The following CACNA1E variants were observed in gnomAD, a reference collection of about 807,000 sequenced individuals.
CACNA1E encodes calcium voltage-gated channel subunit alpha1 E.
Under a neutral mutation model 259.2 loss-of-function variants are expected in CACNA1E, and 40 were observed. The ratio of observed to expected loss-of-function variants is 0.15; its 90% CI spans 0.12 to 0.20. The LOEUF is 0.20. CACNA1E is among the 10% of genes least tolerant of loss of function. The pLI, the probability that CACNA1E is intolerant of heterozygous loss-of-function variation, is 1.00. For missense variants in CACNA1E, 1,874 were observed against 3,040.1 expected, an observed-to-expected ratio of 0.62 and a Z score of 9.02; for synonymous variants, 1,104 against 1,138.5, an observed-to-expected ratio of 0.97 and a Z score of 0.61.
At chr1:181,446,474 A>G (rs572819545) in intron 2 of CACNA1E, among the ~76,000 whole-genome samples, 1 of 152,344 alleles carries the variant, frequency 6.6e-6, no homozygotes, top group East Asian at 1.9e-4. Flanking sequence ...CACAATGCGT[A>G]GAGGTACTGC....
chr1:181,321,325 C>T (rs899241499), intron 1 of CACNA1E, among the ~76,000 whole-genome samples: 2 of 152,198 alleles, frequency 1.3e-5, no homozygotes, highest in African/African-American at 2.4e-5. Context: ...ACAGGGATCT[C>T]ACCTCTGGAT....
chr1:181,501,614 C>G (rs1251117453), intron 1 of CACNA1E, among the ~76,000 whole-genome samples: 1 of 152,184 alleles, frequency 6.6e-6, no homozygotes, highest in African/African-American at 2.4e-5. Context: ...GGGGAGTTCT[C>G]TGCCTCTTTG....
At chr1:181,771,096 A>G (rs993822053) in intron 35 of CACNA1E, among the ~76,000 whole-genome samples, 197 bp from the exon 36 acceptor site, 1 of 152,160 alleles carries the variant, frequency 6.6e-6, no homozygotes, top group African/African-American at 2.4e-5. Flanking sequence ...CCTTTGCTGC[A>G]CTAGAGCAGT....
chr1:181,469,031 C>G (rs1662327867), intron 2 of CACNA1E, among the ~76,000 whole-genome samples: 1 of 151,114 alleles, frequency 6.6e-6, no homozygotes, highest in Non-Finnish European at 1.5e-5. Context: ...TTCATTCATT[C>G]AACAACAACA....
chr1:181,487,774 C>A (rs918174640), intron 1 of CACNA1E, among the ~76,000 whole-genome samples: 6 of 152,174 alleles, frequency 3.9e-5, no homozygotes, highest in African/African-American at 1.4e-4. Flanking sequence ...GGATGCCCCA[C>A]ACTTGTTTGA....
chr1:181,718,560 T>C (rs1654119018), intron 12 of CACNA1E, among the ~76,000 whole-genome samples: 1 of 151,800 alleles, frequency 6.6e-6, no homozygotes, highest in African/African-American at 2.4e-5. Context: ...TATATTTGTT[T>C]TTCTACTTCA....
At chr1:181,512,254 G>A (rs778749181) in intron 3 of CACNA1E, among the ~76,000 whole-genome samples, 2 of 152,200 alleles carry the variant, frequency 1.3e-5, no homozygotes, top group Non-Finnish European at 2.9e-5. Flanking sequence ...GTGACGGGCA[G>A]GCCTTCCTGG....
At chr1:181,420,881 T>A (rs1658680447) in intron 2 of CACNA1E, among the ~76,000 whole-genome samples, 1 of 152,238 alleles carries the variant, frequency 6.6e-6, no homozygotes, top group Non-Finnish European at 1.5e-5. Context: ...ATTGCCTGTT[T>A]ACATGTCTGT....
At chr1:181,476,232 T>C (rs940583727) in intron 2 of CACNA1E, among the ~76,000 whole-genome samples, 2 of 152,198 alleles carry the variant, frequency 1.3e-5, no homozygotes, top group Non-Finnish European at 2.9e-5. Context: ...CCCAGGTATA[T>C]ATTTCAAAAC....
intron 3 of CACNA1E, among the ~76,000 whole-genome samples, chr1:181,576,351 G>T (rs1278364966): frequency 6.6e-6 from 1 of 152,212 alleles, no homozygotes; most frequent in African/African-American, 2.4e-5. Flanking sequence ...TGGGAAGGGT[G>T]CCAGCACATG....
chr1:181,473,684 C>A (rs926835805), intron 2 of CACNA1E, among the ~76,000 whole-genome samples: 5 of 152,324 alleles, frequency 3.3e-5, no homozygotes, highest in Middle Eastern at 3.4e-3. Context: ...TCTGTAGAGT[C>A]TGGATATATT....
intron 3 of CACNA1E, among the ~76,000 whole-genome samples, chr1:181,530,376 A>G (rs775602655): frequency 3.3e-5 from 5 of 152,230 alleles, no homozygotes; most frequent in Non-Finnish European, 5.9e-5. Context: ...GCTTATAAGC[A>G]TCCATATACA....
chr1:181,523,518 A>G lies in CACNA1E; in HGVS notation c.512+12008A>G, dbSNP rs545803278. Among the ~76,000 whole-genome samples the G allele has an allele frequency of 3.9e-5, 6 of 152,296 alleles. No individual in the cohort carries two copies. In the South Asian group the frequency reaches 1.0e-3, roughly 26 times the overall value. On this transcript the variant is annotated intron_variant, in intron 3 of 47. Transcript: ENST00000367573. ...AAACCTGAATTCATATCTTTGCTCTACTGTTTTCTAGTACTGTGGTTGTGG... is the reference window on the plus strand; with the variant it reads ...AAACCTGAATTCATATCTTTGCTCTGCTGTTTTCTAGTACTGTGGTTGTGG...
chr1:181,641,938 T>C (rs1657821231), intron 6 of CACNA1E, among the ~76,000 whole-genome samples: 1 of 152,092 alleles, frequency 6.6e-6, no homozygotes, highest in African/African-American at 2.4e-5. Flanking sequence ...GGTCTTGAAC[T>C]CCTGACCTTG....
intron 6 of CACNA1E, among the ~76,000 whole-genome samples, chr1:181,619,808 T>A (rs1196775974): frequency 2.0e-5 from 3 of 152,126 alleles, no homozygotes; most frequent in Admixed American, 1.3e-4. Flanking sequence ...TGAAGGCTTT[T>A]GGCTTGAGCA....
Position 181,795,027 on chromosome 1 carries a change from G to A in CACNA1E, c.6191G>A (p.Arg2064His), listed in dbSNP as rs779562850. 12 of 1,613,570 alleles carry A rather than the reference G, an allele frequency of 7.4e-6. No individual in the cohort carries two copies. Among genetic ancestry groups the A allele is most frequent in the Admixed American group, 1.7e-5 (1 of 59,962 alleles). ...YHSSLRLSAH[R>H]LNSDSGHKSD... Reference sequence around the variant, plus strand: ...TCCTCCTTGCGGCTGTCAGCCCACCGCCTGAACTCTGATTCAGGTGAGGAG... The same window carrying A: ...TCCTCCTTGCGGCTGTCAGCCCACCACCTGAACTCTGATTCAGGTGAGGAG... The change falls in exon 46 of 48, where the codon CGC becomes CAC. Residue 2064 changes from arginine (R) to histidine (H), a missense_variant. Physicochemically the swap from Arg to His is conservative, Grantham distance 29. This residue lies in a region of CACNA1E where 542 missense variants were observed against 587.2 expected (regional missense o/e 0.92). Transcript: ENST00000367573.
At chr1:181,753,659 C>T (rs1478685253) in intron 27 of CACNA1E, among the ~76,000 whole-genome samples, 1 of 152,296 alleles carries the variant, frequency 6.6e-6, no homozygotes, top group East Asian at 1.9e-4. Context: ...GGCTCTTGTG[C>T]ACTTGGCTCT....
chr1:181,629,172 C>T (rs987500327), intron 6 of CACNA1E, among the ~76,000 whole-genome samples: 1 of 152,066 alleles, frequency 6.6e-6, no homozygotes, highest in Admixed American at 6.5e-5. Flanking sequence ...CCAAGGAAGA[C>T]CAGGATCAGA....
Position 181,784,686 on chromosome 1 carries a change from C to T in CACNA1E, c.5496C>T (p.Asp1832=), listed in dbSNP as rs1443141963. 1.3e-6 allele frequency: 2 copies of T among 1,583,188 alleles called. No individual in the cohort carries two copies. Among genetic ancestry groups the T allele is most frequent in the South Asian group, 2.3e-5 (2 of 86,302 alleles). Residue 1832 remains aspartate (D), a synonymous_variant, in exon 41 of 48, where the codon GAC becomes GAT. Transcript: ENST00000367573. ...AKGGADRQQL[D]SELQKETLAI... is the part of the protein sequence containing the mutation. ...GTGGTGCAGACAGGCAGCAGCTAGACTCAGAGCTACAAAAGGAGACCCTAG... is the reference window on the plus strand; with the variant it reads ...GTGGTGCAGACAGGCAGCAGCTAGATTCAGAGCTACAAAAGGAGACCCTAG...
Sources: gnomAD v4.1 joint callset for allele counts (sites outside exome capture counted in the v4.1 genomes callset) on GRCh38, gnomAD v4.1.1 for gene constraint, gnomAD v4.1.1 regional missense constraint, MANE v1.5 for transcripts, NCBI Gene and HGNC (gene_info 2026-07-23, HGNC 2026-07-21) for gene names.